Variants in ZNF732 observed in about 807,000 individuals in gnomAD.
The protein encoded by ZNF732 is zinc finger protein LOC654254.
A neutral mutation model predicts 11.5 loss-of-function variants in ZNF732; 12 were observed. The observed-to-expected ratio is 1.05, with a 90% CI of 0.67 to 1.70. The LOEUF is 1.70. Among genes scored for constraint, ZNF732 ranks in the 40% most tolerant of loss-of-function variants. The probability of loss-of-function intolerance (pLI) is 0.00; values close to 1 mark genes in which losing one functional copy is unlikely to be tolerated. For synonymous variants in ZNF732, 231 were observed against 236.5 expected, an observed-to-expected ratio of 0.98 and a Z score of 0.21; for missense variants, 702 against 676.9, an observed-to-expected ratio of 1.04 and a Z score of -0.41.
rs79767202 is a variant in ZNF732 at position 273,286 on chromosome 4, C to T, written c.227-656G>A. Among the ~76,000 whole-genome samples, 205 of 152,034 alleles carry T rather than the reference C, an allele frequency of 1.3e-3. 1 individual carries two copies. The highest frequency in any genetic ancestry group is 4.4e-3 in the African/African-American group (181 of 41,530). ...ACATGTATGAGAGGTTACTATAATC[C>T]GTATCAAAGACAACTGGCTTCAGAC... On this transcript the variant is annotated intron_variant, in intron 3 of 3. Transcript: ENST00000419098.
At chr4:278,012 A>G (rs782628726) in intron 3 of ZNF732, among the ~76,000 whole-genome samples, 17 of 152,218 alleles carry the variant, frequency 1.1e-4, no homozygotes, top group Non-Finnish European at 1.9e-4. Flanking sequence ...AAAATGTGGT[A>G]TATATACACA....
chr4:298,494 C>A lies in ZNF732; in HGVS notation c.4-2339G>T, dbSNP rs531005299. Among the ~76,000 whole-genome samples, 6 of 152,062 alleles carry A rather than the reference C, an allele frequency of 3.9e-5. No homozygotes were observed. In the South Asian group the frequency reaches 1.0e-3, roughly 26 times the overall value. Reference sequence around the variant, plus strand: ...GAGATTCTTTGAGGGGAGAAACAAACCCTGAATAAGTCATTTATCTTCCTC... The same window carrying A: ...GAGATTCTTTGAGGGGAGAAACAAAACCTGAATAAGTCATTTATCTTCCTC... On this transcript the variant is annotated intron_variant, in intron 1 of 3. Transcript: ENST00000419098.
intron 3 of ZNF732, among the ~76,000 whole-genome samples, chr4:274,917 A>G (rs1178852010): frequency 2.6e-5 from 4 of 151,686 alleles, no homozygotes; most frequent in African/African-American, 9.7e-5. Flanking sequence ...CAAAGCCAAT[A>G]CTCACAGAAT....
chr4:273,313 A>C (rs144939616), intron 3 of ZNF732, among the ~76,000 whole-genome samples: 1 of 152,096 alleles, frequency 6.6e-6, no homozygotes, highest in Non-Finnish European at 1.5e-5. Context: ...GCTTCAGACT[A>C]TGTCAGGAGA....
rs1553837390 is a variant in ZNF732, at chr4:271,446, C to A, written c.1411G>T (p.Glu471Ter). ...LSKHKKIHTG[E>*]KPYRCEECGK... ...CACTCTTCACATCTATAAGGTTTCT[C>A]TCCAGTATGAATTTTCTTATGTTTA... The change falls in exon 4 of 4, where the codon GAG becomes TAG. Residue 471 changes from glutamate (E) to a stop codon, truncating the protein, a stop_gained. Transcript: ENST00000419098. LOFTEE classifies it low-confidence loss of function (END_TRUNC). 1 of 1,605,448 alleles carries A rather than the reference C, an allele frequency of 6.2e-7. No homozygotes were observed. Among genetic ancestry groups the A allele is most frequent in the Non-Finnish European group, 8.5e-7 (1 of 1,175,732 alleles).
At chr4:302,324 T>C (rs1357602142) in intron 1 of ZNF732, among the ~76,000 whole-genome samples, 2 of 152,186 alleles carry the variant, frequency 1.3e-5, no homozygotes, top group African/African-American at 4.8e-5. Context: ...AAGAAAATGT[T>C]TTGTTACATA....
chr4:275,088 C>T (rs558782865), intron 3 of ZNF732, among the ~76,000 whole-genome samples: 2 of 151,714 alleles, frequency 1.3e-5, no homozygotes, highest in African/African-American at 4.8e-5. Context: ...TGCTCAGCAA[C>T]AACTAAATAC....
rs574021458 is a variant in ZNF732, at chr4:271,973, T to C, written c.884A>G (p.Lys295Arg). Reference protein sequence around the residue: ...KIITSSSNVAKHKKIHTGEKL... With the variant: ...KIITSSSNVARHKKIHTGEKL... ...CTCTCCGGTATGAATTTTCTTATGTTTGGCAACATTTGAGGATGAGGTAAT... is the reference window on the plus strand; with the variant it reads ...CTCTCCGGTATGAATTTTCTTATGTCTGGCAACATTTGAGGATGAGGTAAT... Residue 295 changes from lysine to arginine, a missense_variant, in exon 4 of 4, where the codon AAA becomes AGA. Physicochemically the swap from Lys to Arg is conservative, Grantham distance 26. This residue lies in a region of ZNF732 where 596 missense variants were observed against 557.9 expected (regional missense o/e 1.07). Coordinates refer to ENST00000419098, the MANE Select transcript of ZNF732 (RefSeq NM_001137608.3). 2 of 1,607,030 alleles carry C rather than the reference T, an allele frequency of 1.2e-6. No individual in the cohort carries two copies. Among genetic ancestry groups the C allele is most frequent in the African/African-American group, 2.7e-5 (2 of 74,792 alleles).
At chr4:288,134 A>G (rs1719769220) in intron 3 of ZNF732, among the ~76,000 whole-genome samples, 1 of 151,972 alleles carries the variant, frequency 6.6e-6, no homozygotes, top group Non-Finnish European at 1.5e-5. Flanking sequence ...ATTTTTTGGA[A>G]TTGTTTATTC....
intron 1 of ZNF732, among the ~76,000 whole-genome samples, chr4:299,328 T>C (rs1229938365): frequency 6.8e-5 from 10 of 146,162 alleles, no homozygotes; most frequent in African/African-American, 2.5e-4. Flanking sequence ...ACGCTCCAAT[T>C]AGAAGCAGTT....
At chr4:295,311 A>T in intron 3 of ZNF732, 127 bp downstream of exon 3, 1 of 705,508 alleles carries the variant, frequency 1.4e-6, no homozygotes, top group East Asian at 2.8e-5. Flanking sequence ...ATATGAGAAA[A>T]AAATGCAGCC....
Position 299,373 on chromosome 4 carries a change from ATATATATATACACATATG to A in ZNF732, c.4-3236_4-3219del, listed in dbSNP as rs1720033701. ...TATACACATATATACACATATGTGT[ATATATATATACACATATG>A]TACACATATGTGTATATATATATAC... On this transcript the variant is annotated intron_variant, in intron 1 of 3. Transcript: ENST00000419098. 1.9e-4 allele frequency among the ~76,000 whole-genome samples: 10 copies of A among 54,042 alleles called. 1 individual carries two copies. Among genetic ancestry groups the A allele is most frequent in the African/African-American group, 6.3e-4 (9 of 14,398 alleles). 35.5% of individuals were successfully genotyped at this position (54,042 alleles called of 152,430 possible). A position where few individuals can be genotyped will look rare whatever the true frequency, so the allele number is the denominator to read the frequency against.
intron 3 of ZNF732, among the ~76,000 whole-genome samples, chr4:275,441 C>A (rs1237147869): frequency 6.6e-6 from 1 of 151,510 alleles, no homozygotes; most frequent in Admixed American, 6.6e-5. Flanking sequence ...GTGAAGTACC[C>A]AACAATCTTC....
chr4:272,241 A>T lies in ZNF732; in HGVS notation c.616T>A (p.Trp206Arg). 5 of 1,609,954 alleles carry T rather than the reference A, an allele frequency of 3.1e-6. No individual in the cohort carries two copies. The highest frequency in any genetic ancestry group is 4.2e-6 in the Non-Finnish European group (5 of 1,178,168). Reference sequence around the variant, plus strand: ...TCATATTCATTAAAGATTAAATACCATTTAAAGTCTTTGCCACATTCTTCA... The same window carrying T: ...TCATATTCATTAAAGATTAAATACCTTTTAAAGTCTTTGCCACATTCTTCA... ...TCEECGKDFK[W>R]YLIFNEYEII... is the part of the protein sequence containing the mutation. The change falls in exon 4 of 4, where the codon TGG becomes AGG. Residue 206 changes from tryptophan (W) to arginine (R), a missense_variant. Physicochemically the swap from Trp to Arg is moderately radical, Grantham distance 101 (BLOSUM62 -3). Around this residue, in one of 3 missense-constraint regions of ZNF732, gnomAD observed 596 missense variants for 557.9 expected, o/e 1.07. Transcript: ENST00000419098.
chr4:287,561 T>A (rs1233649865), intron 3 of ZNF732, among the ~76,000 whole-genome samples: 2 of 152,128 alleles, frequency 1.3e-5, no homozygotes, highest in African/African-American at 4.8e-5. Flanking sequence ...GATTTAATAT[T>A]GTCAAATGAC....
intron 2 of ZNF732, 86 bp from the exon 3 acceptor site, chr4:295,619 A>G: frequency 1.7e-6 from 2 of 1,155,622 alleles, no homozygotes; most frequent in Non-Finnish European, 2.4e-6. Context: ...AAGAGAAATT[A>G]TGGAAGATCC....
At position 295,533 on chromosome 4, in the gene ZNF732, C is replaced by T; in HGVS notation, c.131G>A (p.Gly44Asp). The change falls in exon 3 of 4, where the codon GGT (glycine) becomes GAT (aspartate). Residue 44 changes from glycine to aspartate, a missense_variant and splice_region_variant. By Grantham distance (94) the Gly-to-Asp change is moderately conservative. Coordinates refer to ENST00000419098, the MANE Select transcript of ZNF732 (RefSeq NM_001137608.3). ...LENYRNLISL[G>D]VAISNPDLVI... ...CAGGTCTGGGTTAGAGATAGCAACA[C>T]CTGTTTATTTTAAAAAATTAACATG... 6.2e-7 allele frequency: 1 copy of T among 1,609,446 alleles called. No homozygotes were observed. The highest frequency in any genetic ancestry group is 8.5e-7 in the Non-Finnish European group (1 of 1,177,440).
At chr4:281,004 A>G (rs1553839692) in intron 3 of ZNF732, among the ~76,000 whole-genome samples, 1 of 152,180 alleles carries the variant, frequency 6.6e-6, no homozygotes, top group Non-Finnish European at 1.5e-5. Context: ...AGGCTTGCCA[A>G]TAATTATTTG....
intron 3 of ZNF732, among the ~76,000 whole-genome samples, chr4:275,481 A>G (rs1719473907): frequency 6.6e-6 from 1 of 151,790 alleles, no homozygotes. Flanking sequence ...GAGGCTTCAC[A>G]GCTCCTGATT....
Sources: gnomAD v4.1 joint callset for allele counts (sites outside exome capture counted in the v4.1 genomes callset) on GRCh38, gnomAD v4.1.1 for gene constraint, gnomAD v4.1.1 regional missense constraint, MANE v1.5 for transcripts, NCBI Gene and HGNC (gene_info 2026-07-23, HGNC 2026-07-21) for gene names.